The following SNX25 variants were observed in gnomAD, a reference collection of about 807,000 sequenced individuals.
The protein encoded by SNX25 is sorting nexin-25.
In SNX25, 62 loss-of-function variants were observed where a neutral mutation model predicts 113.7. The ratio of observed to expected loss-of-function variants is 0.55; its 90% CI spans 0.44 to 0.67. SNX25 has a LOEUF of 0.67. Among genes scored for constraint, SNX25 ranks in the 30% least tolerant of loss-of-function variants. The pLI is 0.00. For synonymous variants in SNX25, 421 were observed against 436.2 expected (o/e 0.97, Z 0.43); for missense variants, 1,014 against 1,161.0 (o/e 0.87, Z 1.84).
intron 13 of SNX25, among the ~76,000 whole-genome samples, chr4:185,350,203 A>G (rs2095308345): frequency 6.6e-6 from 1 of 152,124 alleles, no homozygotes; most frequent in Non-Finnish European, 1.5e-5. Flanking sequence ...TTTTCTAGGG[A>G]GGGTCATAGC....
At chr4:185,273,495 A>G (rs1351444503) in intron 5 of SNX25, among the ~76,000 whole-genome samples, 2 of 152,198 alleles carry the variant, frequency 1.3e-5, no homozygotes, top group East Asian at 3.9e-4. Flanking sequence ...AAGCTAATTA[A>G]CATATCAATT....
intron 1 of SNX25, among the ~76,000 whole-genome samples, chr4:185,212,667 C>A (rs1452629232): frequency 6.6e-6 from 1 of 151,994 alleles, no homozygotes; most frequent in African/African-American, 2.4e-5. Flanking sequence ...TAAATGTTCT[C>A]TTCTTTATGA....
At chr4:185,277,422 G>C (rs931447632) in intron 5 of SNX25, among the ~76,000 whole-genome samples, 6 of 152,142 alleles carry the variant, frequency 3.9e-5, no homozygotes, top group African/African-American at 1.4e-4. Context: ...GAGAAGAGTG[G>C]TAGAAGATGT....
chr4:185,277,720 CTTTTTTTTTTTTTTTTTT>C (rs758092952), intron 5 of SNX25, among the ~76,000 whole-genome samples: 2 of 63,502 alleles, frequency 3.1e-5, no homozygotes, highest in African/African-American at 5.9e-5. Context: ...TACTTATTAC[CTTTTTTTTTTTTTTTTTT>C]TTTTTTTTTT....
intron 12 of SNX25, among the ~76,000 whole-genome samples, chr4:185,344,046 C>A (rs2095273006): frequency 6.6e-6 from 1 of 152,062 alleles, no homozygotes; most frequent in South Asian, 2.1e-4. Flanking sequence ...TGGTGAAACC[C>A]CCATCTCTAC....
At chr4:185,294,135 A>G (rs1024587720) in intron 6 of SNX25, among the ~76,000 whole-genome samples, 1 of 152,204 alleles carries the variant, frequency 6.6e-6, no homozygotes, top group African/African-American at 2.4e-5. Context: ...AGGAGGGAAC[A>G]GCTGTCAGTT....
intron 7 of SNX25, among the ~76,000 whole-genome samples, chr4:185,319,161 A>G (rs2095099457): frequency 7.1e-6 from 1 of 141,382 alleles, no homozygotes. Context: ...TTATTGGTGC[A>G]GACATTTAAA....
chr4:185,318,969 G>A (rs1414961650), intron 7 of SNX25, among the ~76,000 whole-genome samples: 1 of 152,050 alleles, frequency 6.6e-6, no homozygotes, highest in Non-Finnish European at 1.5e-5. Flanking sequence ...CTTATCTTAT[G>A]TAAAGTACAG....
intron 1 of SNX25, among the ~76,000 whole-genome samples, chr4:185,239,251 G>A (rs187284844): frequency 0.015 from 1,550 of 100,008 alleles, 14 homozygotes; most frequent in Non-Finnish European, 0.025. Context: ...GGAGGCCAAG[G>A]CGGGCAGATC....
chr4:185,369,978 G>A (rs923649621), exon 12 of SNX25: 2 of 232,022 alleles, frequency 8.6e-6, no homozygotes, highest in Admixed American at 1.1e-4. Flanking sequence ...CTGCTATGAT[G>A]TAATTCTGAC....
intron 1 of SNX25, among the ~76,000 whole-genome samples, chr4:185,229,597 C>G (rs1741522279): frequency 6.6e-6 from 1 of 152,092 alleles, no homozygotes; most frequent in Non-Finnish European, 1.5e-5. Flanking sequence ...TTGATTTGCC[C>G]ACGGCTGTCT....
Position 185,346,637 on chromosome 4 carries a change from A to G in SNX25, c.2288A>G (p.Asn763Ser). 1 of 1,578,608 alleles carries G rather than the reference A, an allele frequency of 6.3e-7. No homozygotes were observed. Among genetic ancestry groups the G allele is most frequent in the Non-Finnish European group, 8.6e-7 (1 of 1,167,894 alleles). ...KFMEKSKNQL[N>S]KFLQNLLSDE... ...ATGGAAAAGTCGAAGAATCAATTAA[A>G]TAAGTTTTTACAGGTAAGCAAGTGA... The change falls in exon 13 of 19, where the codon AAT (asparagine) becomes AGT (serine). Residue 763 changes from asparagine to serine, a missense_variant. Physicochemically the swap from Asn to Ser is conservative, Grantham distance 46. Transcript: ENST00000652585.
chr4:185,336,398 C>G (rs184367698), intron 10 of SNX25, among the ~76,000 whole-genome samples: 1 of 152,336 alleles, frequency 6.6e-6, no homozygotes, highest in Admixed American at 6.5e-5. Context: ...TTAGCTCCCA[C>G]TTATGAGTGA....
At chr4:185,297,990 A>G (rs1753073026) in intron 6 of SNX25, among the ~76,000 whole-genome samples, 1 of 152,048 alleles carries the variant, frequency 6.6e-6, no homozygotes, top group Admixed American at 6.6e-5. Flanking sequence ...TATCCAGTCC[A>G]TTATTATGCA....
At chr4:185,365,677 C>G (rs1335437321), downstream of SNX25, 1 of 105,906 alleles carries the variant, frequency 9.4e-6, no homozygotes. Flanking sequence ...GAGACTCCGT[C>G]TCAAAAAAAA....
chr4:185,341,930 A>G (rs1561033704), intron 11 of SNX25, 46 bp from the exon 12 acceptor site: 3 of 1,550,378 alleles, frequency 1.9e-6, no homozygotes, highest in South Asian at 1.3e-5. Flanking sequence ...TTCTGCATCC[A>G]TTCACCATGC....
At chr4:185,218,037 G>A in intron 1 of SNX25, among the ~76,000 whole-genome samples, 1 of 152,162 alleles carries the variant, frequency 6.6e-6, no homozygotes. Context: ...GATACCCTAA[G>A]GGCCGGGATT....
At chr4:185,322,101 T>C (rs1265419900) in intron 8 of SNX25, among the ~76,000 whole-genome samples, 1 of 152,210 alleles carries the variant, frequency 6.6e-6, no homozygotes, top group Non-Finnish European at 1.5e-5. Flanking sequence ...ATGTGACATA[T>C]GTGATCAGTA....
intron 12 of SNX25, 80 bp downstream of exon 12, chr4:185,342,196 A>G: frequency 7.2e-7 from 1 of 1,398,386 alleles, no homozygotes; most frequent in Admixed American, 2.7e-5. Flanking sequence ...AAAGCTGATT[A>G]ATCTTCTTCC....
Sources: gnomAD v4.1 joint callset for allele counts (sites outside exome capture counted in the v4.1 genomes callset) on GRCh38, gnomAD v4.1.1 for gene constraint, MANE v1.5 for transcripts, NCBI Gene and HGNC (gene_info 2026-07-23, HGNC 2026-07-21) for gene names.